Variants in POU6F2 observed in about 807,000 individuals in gnomAD.
The protein encoded by POU6F2 is POU class 6 homeobox 2.
In POU6F2, 31 loss-of-function variants were observed where a neutral mutation model predicts 71.3. The ratio of observed to expected loss-of-function variants is 0.43; its 90% CI spans 0.33 to 0.59. The LOEUF is 0.59. Ranked by LOEUF, POU6F2 falls within the 20% of genes least tolerant of loss-of-function variation. The pLI is 0.04. For synonymous variants in POU6F2, 347 were observed against 355.7 expected, an observed-to-expected ratio of 0.98 and a Z score of 0.27; for missense variants, 783 against 856.8, an observed-to-expected ratio of 0.91 and a Z score of 1.07.
intron 5 of POU6F2, 174 bp from the exon 6 acceptor site, chr7:39,406,426 A>AT: frequency 1.5e-6 from 1 of 670,210 alleles, no homozygotes; most frequent in South Asian, 2.0e-5. Context: ...CGTTTCCATC[A>AT]TCCCCCTACC....
At chr7:38,984,389 C>T (rs1231335347) in intron 1 of POU6F2, 1 of 152,014 alleles carries the variant, frequency 6.6e-6, no homozygotes, top group African/African-American at 2.4e-5. Context: ...TGTGGGCTTC[C>T]CAGGCAGGAA....
intron 4 of POU6F2, among the ~76,000 whole-genome samples, chr7:39,289,847 C>T: frequency 6.6e-6 from 1 of 152,208 alleles, no homozygotes; most frequent in East Asian, 1.9e-4. Flanking sequence ...CCTCATGGGG[C>T]TTGTCATGTC....
chr7:39,038,174 G>T (rs894597182), intron 1 of POU6F2, among the ~76,000 whole-genome samples: 2 of 151,880 alleles, frequency 1.3e-5, no homozygotes, highest in African/African-American at 4.8e-5. Context: ...CCACTTGTAA[G>T]AACTGTCTGG....
At chr7:39,079,522 T>G (rs1008379110) in intron 1 of POU6F2, among the ~76,000 whole-genome samples, 1 of 152,148 alleles carries the variant, frequency 6.6e-6, no homozygotes, top group African/African-American at 2.4e-5. Context: ...CACATTGGTA[T>G]GGGAACCAAG....
chr7:39,095,013 A>T (rs528432605), intron 2 of POU6F2, among the ~76,000 whole-genome samples: 145 of 152,214 alleles, frequency 9.5e-4, no homozygotes, highest in Non-Finnish European at 1.6e-3. Flanking sequence ...CAAAAGGAGA[A>T]GCATGCAAAA....
intron 6 of POU6F2, among the ~76,000 whole-genome samples, chr7:39,425,507 T>G (rs17769624): frequency 0.29 from 44,572 of 151,968 alleles, 6,918 homozygotes; most frequent in East Asian, 0.54. Context: ...TGTTATTAAG[T>G]TTAAGGTTTC....
chr7:39,225,183 T>C (rs547685261), intron 4 of POU6F2, among the ~76,000 whole-genome samples: 24 of 151,568 alleles, frequency 1.6e-4, no homozygotes, highest in African/African-American at 5.6e-4. Context: ...TAAACTTTCT[T>C]TTTTTTTTGA....
At chr7:39,129,624 TATAG>T (rs3999864) in intron 2 of POU6F2, among the ~76,000 whole-genome samples, 47,437 of 149,132 alleles carry the variant, frequency 0.32, 7,781 homozygotes, top group Non-Finnish European at 0.35. Flanking sequence ...ACAATAGATA[TATAG>T]ATAGATAGAT....
chr7:39,454,332 T>C (rs1484964614), intron 8 of POU6F2, among the ~76,000 whole-genome samples: 1 of 152,022 alleles, frequency 6.6e-6, no homozygotes, highest in East Asian at 1.9e-4. Flanking sequence ...GTAGACATGA[T>C]TGATTATTAA....
chr7:39,302,305 A>T (rs1784962539), intron 4 of POU6F2, among the ~76,000 whole-genome samples: 1 of 152,204 alleles, frequency 6.6e-6, no homozygotes, highest in Non-Finnish European at 1.5e-5. Flanking sequence ...ATCATAATAG[A>T]TGGATCTAAT....
At chr7:39,245,427 G>C (rs934219936) in intron 4 of POU6F2, among the ~76,000 whole-genome samples, 3 of 152,148 alleles carry the variant, frequency 2.0e-5, no homozygotes, top group Non-Finnish European at 4.4e-5. Context: ...TAGACCCACT[G>C]GGAAAATATT....
intron 4 of POU6F2, among the ~76,000 whole-genome samples, chr7:39,327,557 C>T (rs1007175120): frequency 2.0e-4 from 31 of 151,858 alleles, no homozygotes; most frequent in Non-Finnish European, 4.0e-4. Flanking sequence ...TCCAGGAGAT[C>T]AAGGCCAGGC....
In POU6F2 at chr7:39,181,577, T is replaced by C. The variant is rs546021585; in HGVS notation, c.278-22658T>C. On this transcript the variant is annotated intron_variant, in intron 2 of 9. Coordinates refer to ENST00000518318, the MANE Select transcript of POU6F2 (RefSeq NM_001370959.1). ...CAATCATTCAACTCATTACACAACTTGCGCAACTTTGCAGATTGGAGCCAC... is the reference window on the plus strand; with the variant it reads ...CAATCATTCAACTCATTACACAACTCGCGCAACTTTGCAGATTGGAGCCAC... 5.9e-5 allele frequency among the ~76,000 whole-genome samples: 9 copies of C among 152,300 alleles called. No individual in the cohort carries two copies. In the East Asian group the frequency reaches 1.7e-3, roughly 29 times the overall value.
At chr7:39,329,382 G>A (rs1785587993) in intron 4 of POU6F2, among the ~76,000 whole-genome samples, 1 of 151,794 alleles carries the variant, frequency 6.6e-6, no homozygotes, top group Non-Finnish European at 1.5e-5. Flanking sequence ...TTCATAGCTT[G>A]CCTCTCTGAG....
At chr7:38,988,213 G>A (rs939095286) in intron 1 of POU6F2, among the ~76,000 whole-genome samples, 1 of 152,078 alleles carries the variant, frequency 6.6e-6, no homozygotes, top group Non-Finnish European at 1.5e-5. Context: ...ATTTTCTAAA[G>A]TTTCACTGTT....
intron 2 of POU6F2, among the ~76,000 whole-genome samples, chr7:39,129,385 G>A (rs1376397931): frequency 6.6e-6 from 1 of 152,112 alleles, no homozygotes; most frequent in Non-Finnish European, 1.5e-5. Context: ...GACCTAAACT[G>A]ATTTAAATAT....
At chr7:39,344,415 T>C (rs1489547388) in intron 5 of POU6F2, among the ~76,000 whole-genome samples, 1 of 152,170 alleles carries the variant, frequency 6.6e-6, no homozygotes, top group East Asian at 1.9e-4. Context: ...TGTTGCGCAG[T>C]GGGCATTGCC....
chr7:39,031,192 C>T (rs998992731), intron 1 of POU6F2, among the ~76,000 whole-genome samples: 6 of 152,050 alleles, frequency 3.9e-5, no homozygotes, highest in Admixed American at 3.9e-4. Context: ...AGCCACCGCG[C>T]CTGGCCAACT....
intron 5 of POU6F2, among the ~76,000 whole-genome samples, chr7:39,362,526 T>C (rs1055865118): frequency 1.3e-5 from 2 of 152,164 alleles, no homozygotes; most frequent in African/African-American, 4.8e-5. Context: ...CCTGATACCA[T>C]TTTAGTAAAC....
Sources: gnomAD v4.1 joint callset for allele counts (sites outside exome capture counted in the v4.1 genomes callset) on GRCh38, gnomAD v4.1.1 for gene constraint, MANE v1.5 for transcripts, NCBI Gene and HGNC (gene_info 2026-07-23, HGNC 2026-07-21) for gene names.